AGAP1: variants seen among roughly 807,000 people sequenced by gnomAD.
AGAP1 encodes the protein ArfGAP with GTPase domain, ankyrin repeat and PH domain 1, also known as arf-GAP with GTPase, ANK repeat and PH domain-containing protein 1.
A neutral mutation model predicts 105.3 loss-of-function variants in AGAP1; 29 were observed. The ratio of observed to expected loss-of-function variants is 0.28; its 90% confidence interval spans 0.21 to 0.38. AGAP1 has a LOEUF of 0.38. AGAP1 is among the 10% of genes least tolerant of loss of function. AGAP1 has a pLI of 1.00. For synonymous variants in AGAP1, 509 were observed against 485.9 expected (o/e 1.05, Z -0.63); for missense variants, 998 against 1,165.1 (o/e 0.86, Z 2.09).
intron 9 of AGAP1, among the ~76,000 whole-genome samples, chr2:235,831,260 A>G (rs1378001739): frequency 6.6e-6 from 1 of 151,134 alleles, no homozygotes; most frequent in Non-Finnish European, 1.5e-5. Flanking sequence ...GCAGAAGGAC[A>G]CCCACAGCCT....
intron 13 of AGAP1, among the ~76,000 whole-genome samples, chr2:235,975,280 G>A (rs2054811014): frequency 6.6e-6 from 1 of 152,130 alleles, no homozygotes; most frequent in African/African-American, 2.4e-5. Context: ...TTATTAATTA[G>A]TTGATGTCTT....
Position 236,020,372 on chromosome 2 carries a change from T to C in AGAP1, c.1646-16189T>C, listed in dbSNP as rs956917201. ...GAAAAGACGTGTTGCCCATGAAGCA[T>C]AGGGGGGAATTTAGAAATGAAACTT... On this transcript the variant is annotated intron_variant, in intron 13 of 17. Transcript: ENST00000304032. This position sits in a 1 kb window ranked among gnomAD's most constrained non-coding sequence, Gnocchi z 5.0. Among the ~76,000 whole-genome samples the C allele has an allele frequency of 1.3e-5, 2 of 152,224 alleles. No individual in the cohort carries two copies. Among genetic ancestry groups the C allele is most frequent in the African/African-American group, 4.8e-5 (2 of 41,450 alleles).
rs1943986049 is a variant in AGAP1, at chr2:235,556,728, T to C, written c.163+61879T>C. Among the ~76,000 whole-genome samples the C allele has an allele frequency of 6.6e-6, 1 of 152,212 alleles. No homozygotes were observed. The highest frequency in any genetic ancestry group is 6.5e-5 in the Admixed American group (1 of 15,282). ...GTGTCTACTGCCTTAGAAAGTACAG[T>C]AAGATGAATATTAAACTTTTCAGAC... On this transcript the variant is annotated intron_variant, in intron 1 of 17. Transcript: ENST00000304032. The surrounding 1 kb of genome is among the most constrained non-coding windows in gnomAD (Gnocchi z 5.3).
chr2:236,123,887 T>C lies in AGAP1; in HGVS notation c.2371-32T>C, dbSNP rs763647297. ...CCCCCTCCCTCCATCACATCCCCCATGATACTAATGTGGGCTCCCTTACCT... is the reference window on the plus strand; with the variant it reads ...CCCCCTCCCTCCATCACATCCCCCACGATACTAATGTGGGCTCCCTTACCT... On this transcript the variant is annotated intron_variant, in intron 17 of 17. Transcript: ENST00000304032. The surrounding 1 kb of genome is among the most constrained non-coding windows in gnomAD (Gnocchi z 4.6). The C allele has an allele frequency of 6.2e-7, 1 of 1,610,474 alleles. No homozygotes were observed. The highest frequency in any genetic ancestry group is 2.2e-5 in the East Asian group (1 of 44,842).
rs1575053633 is a variant in AGAP1 at position 235,655,874 on chromosome 2, T to C, written c.164-53305T>C. On this transcript the variant is annotated intron_variant, in intron 1 of 17. Coordinates refer to ENST00000304032, the MANE Select transcript of AGAP1 (RefSeq NM_001037131.3). The surrounding 1 kb of genome is among the most constrained non-coding windows in gnomAD (Gnocchi z 4.3). ...ATCCTGGATGCTGGGGAAGAATCTT[T>C]GTTGGAATATGACCCTGGGTTTTGT... Among the ~76,000 whole-genome samples the C allele has an allele frequency of 6.6e-6, 1 of 152,298 alleles. No homozygotes were observed. The highest frequency in any genetic ancestry group is 1.9e-4 in the East Asian group (1 of 5,182).
At chr2:235,836,596 A>T (rs1427858471) in intron 9 of AGAP1, among the ~76,000 whole-genome samples, 1 of 152,208 alleles carries the variant, frequency 6.6e-6, no homozygotes, top group African/African-American at 2.4e-5. Context: ...TGTCTGTCAC[A>T]CTTTTTCTCC....
intron 13 of AGAP1, among the ~76,000 whole-genome samples, chr2:235,995,078 AAAAAAAAAAAAAAAAACAGAAT>A (rs1361359022): frequency 6.8e-6 from 1 of 147,636 alleles, no homozygotes; most frequent in Non-Finnish European, 1.5e-5. Flanking sequence ...AAAAAAAAAA[AAAAAAAAAAAAAAAAACAGAAT>A]AAGATACAAC....
In AGAP1 at chr2:235,838,914, C is replaced by T. The variant is rs564485791; in HGVS notation, c.1050+31583C>T. On this transcript the variant is annotated intron_variant, in intron 9 of 17. Transcript: ENST00000304032. ...CTTTTTGGACTTACAAGTGAAAAAT[C>T]CAGTGCCTAAGACTTTCTGGTGAAA... 2.0e-5 allele frequency among the ~76,000 whole-genome samples: 3 copies of T among 152,122 alleles called. No individual in the cohort carries two copies. The South Asian group carries it at 6.2e-4, about 32-fold the overall frequency.
At chr2:235,814,852 A>G (rs1445455413) in intron 9 of AGAP1, among the ~76,000 whole-genome samples, 5 of 152,126 alleles carry the variant, frequency 3.3e-5, no homozygotes. Flanking sequence ...CTGCTTGCCA[A>G]GGACTCTGGC....
chr2:235,504,141 C>A (rs972181246), intron 1 of AGAP1, among the ~76,000 whole-genome samples: 1 of 151,896 alleles, frequency 6.6e-6, no homozygotes, highest in East Asian at 1.9e-4. Flanking sequence ...CACGCCCAGC[C>A]TCGAACTCTC....
intron 9 of AGAP1, among the ~76,000 whole-genome samples, chr2:235,880,624 C>T (rs932049686): frequency 4.6e-5 from 7 of 151,832 alleles, no homozygotes; most frequent in African/African-American, 1.5e-4. Context: ...CCTGTAATCC[C>T]AGCTACTCTG....
chr2:236,096,104 C>T lies in AGAP1; in HGVS notation c.2115-24088C>T, dbSNP rs1430156228. On this transcript the variant is annotated intron_variant, in intron 16 of 17. Transcript: ENST00000304032. The surrounding 1 kb of genome is among the most constrained non-coding windows in gnomAD (Gnocchi z 4.4). ...GTGGAAGCAATACTGATGATGGAAC[C>T]GCAGTACTATGTATCTTACCCTACC... Among the ~76,000 whole-genome samples the T allele has an allele frequency of 6.6e-6, 1 of 152,152 alleles. No individual in the cohort carries two copies. The highest frequency in any genetic ancestry group is 6.6e-5 in the Admixed American group (1 of 15,266).
intron 16 of AGAP1, among the ~76,000 whole-genome samples, chr2:236,108,903 CA>C (rs1214200844): frequency 1.3e-5 from 2 of 152,196 alleles, no homozygotes; most frequent in Admixed American, 1.3e-4. Context: ...TGCTGAAAGG[CA>C]GTCAGAAGCT....
intron 10 of AGAP1, among the ~76,000 whole-genome samples, chr2:235,894,246 C>T (rs1309528501): frequency 1.3e-5 from 2 of 152,128 alleles, no homozygotes; most frequent in Admixed American, 6.5e-5. Context: ...GGAGTCAGCT[C>T]GGGGGAAGCA....
At chr2:235,591,975 C>T (rs908187884) in intron 1 of AGAP1, among the ~76,000 whole-genome samples, 2 of 152,118 alleles carry the variant, frequency 1.3e-5, no homozygotes, top group South Asian at 4.1e-4. Context: ...CTGCTACCAG[C>T]TTCCTGTATA....
intron 1 of AGAP1, among the ~76,000 whole-genome samples, chr2:235,697,687 TTG>T (rs1207223845): frequency 6.6e-6 from 1 of 152,234 alleles, no homozygotes; most frequent in African/African-American, 2.4e-5. Flanking sequence ...CTGGATTTAT[TTG>T]TGTCTATTAT....
intron 9 of AGAP1, chr2:235,853,048 A>G (rs2048543225): frequency 8.1e-7 from 1 of 1,240,662 alleles, no homozygotes; most frequent in African/African-American, 1.5e-5. Flanking sequence ...TAATTTCTAT[A>G]GCGGGCAATT....
rs889666928 is a variant in AGAP1, at chr2:235,754,308, T to G, written c.673+3820T>G. ...GTTTATTCACATTTCTTGATAACTC[T>G]CTGGCTTCTTTTTTGCCCTAGGGCT... On this transcript the variant is annotated intron_variant, in intron 6 of 17. Coordinates refer to ENST00000304032, the MANE Select transcript of AGAP1 (RefSeq NM_001037131.3). This position sits in a 1 kb window ranked among gnomAD's most constrained non-coding sequence, Gnocchi z 4.6. Among the ~76,000 whole-genome samples the G allele has an allele frequency of 5.9e-5, 9 of 152,234 alleles. No homozygotes were observed. The highest frequency in any genetic ancestry group is 8.8e-5 in the Non-Finnish European group (6 of 68,044).
rs1404373639 is a variant in AGAP1, at chr2:236,036,734, CA to C, written c.1800+23del. On this transcript the variant is annotated intron_variant, in intron 14 of 17. Transcript: ENST00000304032. This position sits in a 1 kb window ranked among gnomAD's most constrained non-coding sequence, Gnocchi z 5.7. ...GAACAAGGTGAGGCCCCTGGCTGCC[CA>C]AAACCAAGGCTGGGGCTGCTCAGGG... 1 of 1,613,768 alleles carries C rather than the reference CA, an allele frequency of 6.2e-7. No individual in the cohort carries two copies. The highest frequency in any genetic ancestry group is 8.5e-7 in the Non-Finnish European group (1 of 1,179,880).
Sources: gnomAD v4.1 joint callset for allele counts (sites outside exome capture counted in the v4.1 genomes callset) on GRCh38, gnomAD v4.1.1 for gene constraint, Gnocchi (gnomAD v3.1) non-coding constraint, MANE v1.5 for transcripts, NCBI Gene and HGNC (gene_info 2026-07-23, HGNC 2026-07-21) for gene names.